DGLUCY: variants seen among roughly 807,000 people sequenced by gnomAD.
The protein encoded by DGLUCY is D-glutamate cyclase, mitochondrial.
In DGLUCY, 58 loss-of-function variants were observed where a neutral mutation model predicts 58.5. The ratio of observed to expected loss-of-function variants is 0.99; its 90% confidence interval spans 0.80 to 1.23. DGLUCY has a LOEUF of 1.23. DGLUCY is among the 50% of genes most tolerant of loss of function. The pLI, the probability that DGLUCY is intolerant of heterozygous loss-of-function variation, is 0.00. For missense variants in DGLUCY, 779 were observed against 784.7 expected (o/e 0.99, Z 0.09); for synonymous variants, 325 against 314.1 (o/e 1.03, Z -0.37).
chr14:91,137,458 T>A (rs1341573358), intron 1 of DGLUCY, among the ~76,000 whole-genome samples: 35 of 151,954 alleles, frequency 2.3e-4, no homozygotes, highest in Admixed American at 2.3e-3. Flanking sequence ...TGATCTCTGC[T>A]CACTGCAACC....
intron 1 of DGLUCY, among the ~76,000 whole-genome samples, chr14:91,075,160 T>C (rs2044000169): frequency 6.6e-6 from 1 of 152,234 alleles, no homozygotes. Flanking sequence ...TCTTGCATTT[T>C]TTCTTTATCA....
intron 1 of DGLUCY, among the ~76,000 whole-genome samples, chr14:91,134,037 T>A (rs1259905537): frequency 6.6e-6 from 1 of 152,204 alleles, no homozygotes; most frequent in Non-Finnish European, 1.5e-5. Context: ...TCCATCTTAA[T>A]TACCATAGTT....
At chr14:91,128,097 G>T (rs1216729397) in intron 1 of DGLUCY, among the ~76,000 whole-genome samples, 2 of 151,954 alleles carry the variant, frequency 1.3e-5, no homozygotes, top group Non-Finnish European at 2.9e-5. Flanking sequence ...GCAAATTCCA[G>T]ATATTAGGGT....
At chr14:91,100,055 C>CAAAA (rs781379842) in intron 1 of DGLUCY, among the ~76,000 whole-genome samples, 10 of 130,670 alleles carry the variant, frequency 7.7e-5, no homozygotes, top group Admixed American at 1.6e-4. Flanking sequence ...AACTCTGTCT[C>CAAAA]AAAAAAAAAA....
At chr14:91,114,584 T>A (rs1347254856) in intron 1 of DGLUCY, 1 of 152,240 alleles carries the variant, frequency 6.6e-6, no homozygotes, top group Non-Finnish European at 1.5e-5. Context: ...TCAGTCCTTG[T>A]CACTGCCCTT....
intron 1 of DGLUCY, among the ~76,000 whole-genome samples, chr14:91,142,809 C>T (rs902335334): frequency 7.3e-4 from 2 of 2,750 alleles, no homozygotes; most frequent in East Asian, 0.045. Context: ...ACTAAACACA[C>T]ACACACACAC....
At chr14:91,139,832 A>G (rs539393977) in intron 1 of DGLUCY, among the ~76,000 whole-genome samples, 1 of 152,336 alleles carries the variant, frequency 6.6e-6, no homozygotes, top group African/African-American at 2.4e-5. Flanking sequence ...GTTAAGGACA[A>G]GCCCAGGAGA....
chr14:91,063,206 G>C (rs987853434), intron 1 of DGLUCY, among the ~76,000 whole-genome samples: 4 of 151,692 alleles, frequency 2.6e-5, no homozygotes, highest in African/African-American at 9.7e-5. Flanking sequence ...AAAGTAGCCT[G>C]ATGTTCACCA....
rs762855684 is a variant in DGLUCY, at chr14:91,181,220, C to T, written c.765C>T (p.Cys255=). 1 of 1,614,152 alleles carries T rather than the reference C, an allele frequency of 6.2e-7. No homozygotes were observed. Among genetic ancestry groups the T allele is most frequent in the East Asian group, 2.2e-5 (1 of 44,882 alleles). ...TGGCTTTTGCCAGCATCCCAGGCTG[C>T]ACAGTTATGACTGACCTGAAGGATG... ...TPLAFASIPG[C]TVMTDLKDAK... is the part of the protein sequence containing the mutation. Residue 255 remains cysteine (C), a synonymous_variant, in exon 8 of 14, where the codon TGC becomes TGT. Coordinates refer to ENST00000256324, the MANE Select transcript of DGLUCY (RefSeq NM_001102368.3).
intron 13 of DGLUCY, among the ~76,000 whole-genome samples, chr14:91,221,505 G>A (rs1199601911): frequency 6.6e-6 from 1 of 151,846 alleles, no homozygotes; most frequent in Non-Finnish European, 1.5e-5. Context: ...TGCATGGATG[G>A]ATGGATAGTG....
At chr14:91,143,856 A>G (rs1419267813) in intron 1 of DGLUCY, among the ~76,000 whole-genome samples, 1 of 152,120 alleles carries the variant, frequency 6.6e-6, no homozygotes, top group Non-Finnish European at 1.5e-5. Context: ...CATTTGCCAC[A>G]TGAAAAAACG....
intron 9 of DGLUCY, among the ~76,000 whole-genome samples, chr14:91,191,831 A>G (rs1339067716): frequency 2.6e-5 from 4 of 152,178 alleles, no homozygotes; most frequent in Non-Finnish European, 5.9e-5. Context: ...AACTGAAAGG[A>G]TGGAGTTGCT....
intron 7 of DGLUCY, among the ~76,000 whole-genome samples, chr14:91,179,202 T>C (rs2049023080): frequency 6.6e-6 from 1 of 152,198 alleles, no homozygotes; most frequent in African/African-American, 2.4e-5. Context: ...TCAAAGATAG[T>C]AATGACACTG....
chr14:91,194,342 G>A (rs1335875361), intron 9 of DGLUCY, among the ~76,000 whole-genome samples: 1 of 152,152 alleles, frequency 6.6e-6, no homozygotes, highest in African/African-American at 2.4e-5. Flanking sequence ...CAGATTGGCA[G>A]GCTGCCCCTC....
intron 13 of DGLUCY, chr14:91,220,722 G>A (rs1360374189): frequency 4.4e-6 from 2 of 451,528 alleles, no homozygotes; most frequent in East Asian, 1.4e-4. Context: ...GATTATACCA[G>A]CCCCATCTTG....
At chr14:91,072,118 T>C (rs1325782263) in intron 1 of DGLUCY, among the ~76,000 whole-genome samples, 1 of 151,062 alleles carries the variant, frequency 6.6e-6, no homozygotes, top group Non-Finnish European at 1.5e-5. Context: ...AGCCCACGAG[T>C]TCAAGATCAG....
intron 6 of DGLUCY, 155 bp downstream of exon 6, chr14:91,173,594 T>C (rs1267748186): frequency 7.1e-6 from 8 of 1,120,324 alleles, no homozygotes; most frequent in East Asian, 2.7e-5. Context: ...TCTCTTGGAG[T>C]TGGGCCTAAG....
At chr14:91,194,091 A>G (rs1417921624) in intron 9 of DGLUCY, among the ~76,000 whole-genome samples, 10 of 152,114 alleles carry the variant, frequency 6.6e-5, no homozygotes, top group Non-Finnish European at 1.3e-4. Flanking sequence ...CCTTGATCCA[A>G]TTTTGAGGCA....
At chr14:91,090,654 G>A (rs563206185) in intron 1 of DGLUCY, among the ~76,000 whole-genome samples, 30 of 152,274 alleles carry the variant, frequency 2.0e-4, no homozygotes, top group Admixed American at 7.2e-4. Flanking sequence ...TGGTGGCCTT[G>A]GGGTACATGA....
Sources: allele counts gnomAD v4.1 joint callset (sites outside exome capture counted in the v4.1 genomes callset), GRCh38; gene constraint gnomAD v4.1.1; transcripts MANE v1.5; gene names NCBI Gene and HGNC (gene_info 2026-07-23, HGNC 2026-07-21).